IMMP2L: variants seen among roughly 807,000 people sequenced by gnomAD.
IMMP2L encodes mitochondrial inner membrane protease subunit 2.
IMMP2L carries 18 observed loss-of-function variants against 19.3 expected under a neutral mutation model. The ratio of observed to expected loss-of-function variants is 0.93; its 90% CI spans 0.64 to 1.38. IMMP2L has a LOEUF of 1.38. Ranked by LOEUF, IMMP2L falls within the 40% of genes most tolerant of loss-of-function variation. The pLI, the probability that IMMP2L is intolerant of heterozygous loss-of-function variation, is 0.00. For synonymous variants in IMMP2L, 76 were observed against 73.0 expected, an observed-to-expected ratio of 1.04 and a Z score of -0.21; for missense variants, 233 against 218.2, an observed-to-expected ratio of 1.07 and a Z score of -0.43.
chr7:110,876,488 G>A (rs1809077079), intron 5 of IMMP2L, among the ~76,000 whole-genome samples: 2 of 152,102 alleles, frequency 1.3e-5, no homozygotes, highest in Non-Finnish European at 2.9e-5. Context: ...TTCTCATCAG[G>A]TAGCCAAGAC....
At chr7:111,379,377 G>C (rs1423344856) in intron 3 of IMMP2L, among the ~76,000 whole-genome samples, 1 of 151,682 alleles carries the variant, frequency 6.6e-6, no homozygotes, top group Non-Finnish European at 1.5e-5. Context: ...TATTATGCAA[G>C]ATAATAGTTG....
At chr7:110,857,093 G>T (rs1369567847) in intron 5 of IMMP2L, among the ~76,000 whole-genome samples, 1 of 152,038 alleles carries the variant, frequency 6.6e-6, no homozygotes, top group Non-Finnish European at 1.5e-5. Flanking sequence ...TAAGGCTTTT[G>T]GGATAGCTAT....
chr7:111,309,044 A>G (rs116135799), intron 3 of IMMP2L, among the ~76,000 whole-genome samples: 3,475 of 152,232 alleles, frequency 0.023, 135 homozygotes, highest in African/African-American at 0.079. Context: ...TTTGTAGAAT[A>G]AAGTACAGAA....
At chr7:111,357,170 GT>G (rs1038013772) in intron 3 of IMMP2L, among the ~76,000 whole-genome samples, 2 of 152,120 alleles carry the variant, frequency 1.3e-5, no homozygotes, top group African/African-American at 2.4e-5. Context: ...AGCATTTAAA[GT>G]TTTTTGGCTA....
intron 3 of IMMP2L, among the ~76,000 whole-genome samples, chr7:111,377,384 G>C (rs1414377148): frequency 6.6e-6 from 1 of 151,636 alleles, no homozygotes; most frequent in Admixed American, 6.6e-5. Context: ...CTATACTACA[G>C]CTCTGTAGTA....
intron 3 of IMMP2L, among the ~76,000 whole-genome samples, chr7:111,005,772 A>G (rs898811428): frequency 6.6e-6 from 1 of 152,178 alleles, no homozygotes; most frequent in African/African-American, 2.4e-5. Flanking sequence ...AGAGTAAAGA[A>G]TGCAAGTTTA....
At chr7:111,278,950 A>G (rs779518947) in intron 3 of IMMP2L, among the ~76,000 whole-genome samples, 2 of 152,134 alleles carry the variant, frequency 1.3e-5, no homozygotes, top group Admixed American at 6.6e-5. Flanking sequence ...TGAGAATGAA[A>G]TATTTTCCCA....
intron 4 of IMMP2L, among the ~76,000 whole-genome samples, chr7:110,946,621 GAGT>G (rs1329215751): frequency 6.6e-6 from 1 of 151,388 alleles, no homozygotes; most frequent in Admixed American, 6.6e-5. Flanking sequence ...CTATGAGAAT[GAGT>G]AGAACTAAAA....
At chr7:111,093,692 C>A (rs1368075884) in intron 3 of IMMP2L, among the ~76,000 whole-genome samples, 1 of 152,150 alleles carries the variant, frequency 6.6e-6, no homozygotes, top group African/African-American at 2.4e-5. Context: ...AATACCAACA[C>A]TCCAGGCCCC....
At chr7:110,844,117 C>A (rs891700760) in intron 5 of IMMP2L, among the ~76,000 whole-genome samples, 5 of 152,130 alleles carry the variant, frequency 3.3e-5, no homozygotes, top group South Asian at 2.1e-4. Context: ...AAAAGAGAAG[C>A]CTCTGGATTC....
intron 3 of IMMP2L, among the ~76,000 whole-genome samples, chr7:110,977,471 T>C (rs958180750): frequency 1.3e-5 from 2 of 152,014 alleles, no homozygotes; most frequent in African/African-American, 4.8e-5. Flanking sequence ...GAGAGTTCCA[T>C]GGGTCTAATT....
At chr7:111,054,574 C>G (rs1398969579) in intron 3 of IMMP2L, among the ~76,000 whole-genome samples, 1 of 152,212 alleles carries the variant, frequency 6.6e-6, no homozygotes, top group Non-Finnish European at 1.5e-5. Flanking sequence ...CAGTTTGTCT[C>G]AGACACACAC....
At chr7:111,052,186 A>G (rs1390484755) in intron 3 of IMMP2L, among the ~76,000 whole-genome samples, 1 of 152,240 alleles carries the variant, frequency 6.6e-6, no homozygotes, top group Non-Finnish European at 1.5e-5. Context: ...GGCCTTCCAA[A>G]GCCATCTCTT....
intron 3 of IMMP2L, among the ~76,000 whole-genome samples, chr7:111,044,872 C>G (rs562754239): frequency 2.6e-5 from 4 of 152,154 alleles, no homozygotes; most frequent in African/African-American, 9.6e-5. Context: ...ACTCTGGAGA[C>G]TATTTGATTA....
At chr7:110,992,856 A>G (rs1822630086) in intron 3 of IMMP2L, among the ~76,000 whole-genome samples, 1 of 152,104 alleles carries the variant, frequency 6.6e-6, no homozygotes, top group African/African-American at 2.4e-5. Flanking sequence ...TTGTCCTTGT[A>G]GGCCACTTGT....
intron 5 of IMMP2L, among the ~76,000 whole-genome samples, chr7:110,689,375 C>T (rs1309659768): frequency 2.0e-5 from 3 of 151,854 alleles, no homozygotes; most frequent in Non-Finnish European, 2.9e-5. Context: ...TTATTCTATT[C>T]TCCATATGTT....
In IMMP2L at chr7:110,980,224, C is replaced by CATCT. The variant is rs1349454037; in HGVS notation, c.240-16660_240-16659insAGAT. On this transcript the variant is annotated intron_variant, in intron 3 of 5. Transcript: ENST00000405709. The stretch of plus-strand genomic sequence containing the variant: ...GGCTTATATGACTGTATTTGTGCTG[C>CATCT]TTCTTTTTTTTTTTTTTTTTTTTTT... Among the ~76,000 whole-genome samples the CATCT allele has an allele frequency of 6.0e-3, 367 of 61,262 alleles. 4 individuals carry two copies. The highest frequency in any genetic ancestry group is 0.022 in the African/African-American group (353 of 15,884). The allele number at this position is 61,262 out of a possible 152,430, so 40.2% of individuals were successfully genotyped here. A position where few individuals can be genotyped will look rare whatever the true frequency, so the allele number is the denominator to read the frequency against.
At chr7:110,869,829 TC>T (rs1322656774) in intron 5 of IMMP2L, among the ~76,000 whole-genome samples, 1 of 152,154 alleles carries the variant, frequency 6.6e-6, no homozygotes, top group Non-Finnish European at 1.5e-5. Context: ...GCTCCATCCT[TC>T]TTTCTACTGT....
At chr7:111,539,192 GAGGGAGAAAGAAAGAA>G (rs36214661) in intron 1 of IMMP2L, among the ~76,000 whole-genome samples, 2,024 of 19,666 alleles carry the variant, frequency 0.1, 244 homozygotes, top group Admixed American at 0.14. Flanking sequence ...AGGAAGGAAG[GAGGGAGAAAGAAAGAA>G]AGAAAGAAAG....
Sources: allele counts gnomAD v4.1 joint callset (sites outside exome capture counted in the v4.1 genomes callset), GRCh38; gene constraint gnomAD v4.1.1; transcripts MANE v1.5; gene names NCBI Gene and HGNC (gene_info 2026-07-23, HGNC 2026-07-21).